The following DGKH variants were observed in gnomAD, a reference collection of about 807,000 sequenced individuals.
The protein encoded by DGKH is diacylglycerol kinase eta.
A neutral mutation model predicts 159.3 loss-of-function variants in DGKH; 90 were observed. That is an observed-to-expected ratio of 0.57 (90% CI 0.48 to 0.67). The LOEUF is 0.67. Ranked by LOEUF, DGKH falls within the 30% of genes least tolerant of loss-of-function variation. The pLI is 0.00. For missense variants in DGKH, 1,181 were observed against 1,506.1 expected (o/e 0.78, Z 3.57); for synonymous variants, 536 against 553.8 (o/e 0.97, Z 0.45).
At chr13:42,079,526 T>C (rs1361479869) in intron 1 of DGKH, among the ~76,000 whole-genome samples, 2 of 152,164 alleles carry the variant, frequency 1.3e-5, no homozygotes, top group Non-Finnish European at 2.9e-5. Flanking sequence ...AAGAAACCTC[T>C]AGGTTTAAGA....
chr13:42,244,506 G>A (rs538216782), downstream of DGKH, among the ~76,000 whole-genome samples: 5 of 152,234 alleles, frequency 3.3e-5, no homozygotes, highest in Non-Finnish European at 7.3e-5. Context: ...AGTGCTGATC[G>A]CAGAGCCCAA....
At chr13:42,151,805 A>G (rs1000403581) in intron 3 of DGKH, among the ~76,000 whole-genome samples, 3 of 152,048 alleles carry the variant, frequency 2.0e-5, no homozygotes, top group Non-Finnish European at 4.4e-5. Context: ...CTGTAGGTAG[A>G]TACCCAGTGG....
At chr13:42,116,410 T>G (rs1954969695) in intron 1 of DGKH, among the ~76,000 whole-genome samples, 1 of 152,184 alleles carries the variant, frequency 6.6e-6, no homozygotes, top group Non-Finnish European at 1.5e-5. Context: ...TTCCATTCCT[T>G]AGATGAGAAG....
intron 14 of DGKH, among the ~76,000 whole-genome samples, chr13:42,187,521 G>A (rs1002093028): frequency 6.6e-6 from 1 of 152,080 alleles, no homozygotes; most frequent in Non-Finnish European, 1.5e-5. Flanking sequence ...GATTACAGGT[G>A]CTTGCCACCA....
chr13:42,089,011 C>T (rs1292679607), intron 1 of DGKH, among the ~76,000 whole-genome samples: 1 of 152,114 alleles, frequency 6.6e-6, no homozygotes, highest in East Asian at 1.9e-4. Flanking sequence ...AGAACCATTA[C>T]TAGGGATAGT....
In DGKH at chr13:42,174,196, A is replaced by G. The variant is rs77403765; in HGVS notation, c.1452+52A>G. The G allele has an allele frequency of 5.8e-6, 7 of 1,215,928 alleles. No individual in the cohort carries two copies. In the Admixed American group the frequency reaches 6.5e-5, roughly 11 times the overall value. 75.3% of individuals were successfully genotyped at this position (1,215,928 alleles called of 1,614,324 possible). A position where few individuals can be genotyped will look rare whatever the true frequency, so the allele number is the denominator to read the frequency against. On this transcript the variant is annotated intron_variant, in intron 12 of 29. Coordinates refer to ENST00000337343, the MANE Select transcript of DGKH (RefSeq NM_178009.5). ...TTGAAATGGGGGTGGATATCTTGAGAAAAAAAAAAGAAAGAGAGAGAAAAT... is the reference window on the plus strand; with the variant it reads ...TTGAAATGGGGGTGGATATCTTGAGGAAAAAAAAAGAAAGAGAGAGAAAAT...
chr13:42,107,799 C>G (rs1369038065), intron 1 of DGKH, among the ~76,000 whole-genome samples: 1 of 152,056 alleles, frequency 6.6e-6, no homozygotes, highest in African/African-American at 2.4e-5. Flanking sequence ...CTTGAGTGTG[C>G]TGTCTCTCTG....
chr13:42,051,045 A>G (rs933555294), intron 1 of DGKH, among the ~76,000 whole-genome samples: 3 of 152,208 alleles, frequency 2.0e-5, no homozygotes, highest in African/African-American at 4.8e-5. Context: ...ACTGTATTTT[A>G]TAGGTTTCAT....
chr13:42,194,672 A>C (rs116021755), intron 16 of DGKH, among the ~76,000 whole-genome samples: 279 of 152,178 alleles, frequency 1.8e-3, no homozygotes, highest in African/African-American at 6.1e-3. Context: ...GTAGACATCT[A>C]TTTTCTACTG....
intron 11 of DGKH, 100 bp from the exon 12 acceptor site, chr13:42,173,960 C>CGTGCGT (rs1185637671): frequency 1.7e-6 from 1 of 590,654 alleles, no homozygotes; most frequent in Non-Finnish European, 2.9e-6. Flanking sequence ...TGTGTGTGTG[C>CGTGCGT]GTGCGTGTGT....
intron 15 of DGKH, 27 bp downstream of exon 15, chr13:42,189,336 A>T: frequency 1.9e-6 from 3 of 1,611,156 alleles, no homozygotes; most frequent in Non-Finnish European, 1.7e-6. Flanking sequence ...TTAGCTTTGG[A>T]AGAAGTTGGC....
chr13:42,177,407 C>T (rs1038247877), intron 12 of DGKH, among the ~76,000 whole-genome samples: 1 of 152,190 alleles, frequency 6.6e-6, no homozygotes, highest in Non-Finnish European at 1.5e-5. Context: ...CACAAATACA[C>T]TGCAATTTGT....
chr13:42,067,984 T>C (rs2324894), intron 1 of DGKH, among the ~76,000 whole-genome samples: 1 of 151,802 alleles, frequency 6.6e-6, no homozygotes, highest in African/African-American at 2.4e-5. Context: ...TTCATTTTTT[T>C]AAAAAAATAA....
At chr13:42,115,725 AAG>A (rs1954953739) in intron 1 of DGKH, among the ~76,000 whole-genome samples, 1 of 152,178 alleles carries the variant, frequency 6.6e-6, no homozygotes, top group Non-Finnish European at 1.5e-5. Flanking sequence ...TTATGGACAA[AAG>A]AGTCTTGTAT....
In DGKH at chr13:42,162,813, A is replaced by C. The variant is rs184947466; in HGVS notation, c.856-2518A>C. On this transcript the variant is annotated intron_variant, in intron 7 of 29. Transcript: ENST00000337343. ...GAGTGAAACTCCATGTCAAAACACA[A>C]ACAAAAACATGAGTTTCTTTTTTTT... Among the ~76,000 whole-genome samples, 12 of 151,010 alleles carry C rather than the reference A, an allele frequency of 7.9e-5. No homozygotes were observed. In the East Asian group the frequency reaches 2.0e-3, roughly 25 times the overall value.
chr13:42,167,368 C>T (rs1488543150), intron 9 of DGKH, among the ~76,000 whole-genome samples: 2 of 152,170 alleles, frequency 1.3e-5, no homozygotes, highest in African/African-American at 4.8e-5. Flanking sequence ...TCCACCATTA[C>T]CTTAAAGCAT....
intron 29 of DGKH, among the ~76,000 whole-genome samples, chr13:42,223,082 A>C (rs1045562983): frequency 6.6e-6 from 1 of 152,234 alleles, no homozygotes; most frequent in Non-Finnish European, 1.5e-5. Flanking sequence ...TGGATTTTAA[A>C]AATTGTATTA....
In DGKH at chr13:42,048,855, G is replaced by T. The variant is rs770205147; in HGVS notation, c.82G>T (p.Ala28Ser). 5 of 1,370,276 alleles carry T rather than the reference G, an allele frequency of 3.6e-6. No homozygotes were observed. Among genetic ancestry groups the T allele is most frequent in the Non-Finnish European group, 4.7e-6 (5 of 1,058,384 alleles). 84.9% of individuals were successfully genotyped at this position (1,370,276 alleles called of 1,614,324 possible). The change falls in exon 1 of 30, where the codon GCC becomes TCC. Residue 28 changes from alanine to serine, a missense_variant. Physicochemically the swap from Ala to Ser is moderately conservative, Grantham distance 99 (BLOSUM62 1). This residue lies in a region of DGKH where 136 missense variants were observed against 132.2 expected (regional missense o/e 1.03). Transcript: ENST00000337343. This position sits in a 1 kb window ranked among gnomAD's most constrained non-coding sequence, Gnocchi z 6.7. The stretch of plus-strand genomic sequence containing the variant: ...CGGAGCCGGCGCCGCGGTCACCTCC[G>T]CCGCTGCCTCGGCGGGGCCGGGAGA... ...AAGAGAAVTS[A>S]AASAGPGEDS...
chr13:42,064,075 G>A (rs1041633431), intron 1 of DGKH, among the ~76,000 whole-genome samples: 1 of 152,138 alleles, frequency 6.6e-6, no homozygotes, highest in African/African-American at 2.4e-5. Context: ...GGGTGGGATG[G>A]CGTGAGGAGC....
Sources: allele counts gnomAD v4.1 joint callset (sites outside exome capture counted in the v4.1 genomes callset), GRCh38; gene constraint gnomAD v4.1.1; regional missense constraint gnomAD v4.1.1; non-coding constraint Gnocchi (gnomAD v3.1); transcripts MANE v1.5; gene names NCBI Gene and HGNC (gene_info 2026-07-23, HGNC 2026-07-21).